The following SLC24A2 variants were observed in gnomAD, a reference collection of about 807,000 sequenced individuals.
The protein encoded by SLC24A2 is sodium/potassium/calcium exchanger 2.
A neutral mutation model predicts 62.0 loss-of-function variants in SLC24A2; 36 were observed. That is an observed-to-expected ratio of 0.58 (90% confidence interval 0.44 to 0.77). The LOEUF (loss-of-function observed/expected upper bound fraction) is 0.77. Ranked by LOEUF, SLC24A2 falls within the 30% of genes least tolerant of loss-of-function variation. The probability of loss-of-function intolerance (pLI) is 0.00; values close to 1 mark genes in which losing one functional copy is unlikely to be tolerated. For synonymous variants in SLC24A2, 358 were observed against 294.0 expected, an observed-to-expected ratio of 1.22 and a Z score of -2.23; for missense variants, 846 against 817.9, an observed-to-expected ratio of 1.03 and a Z score of -0.42.
At chr9:20,040,358 C>T in the SLC24A2 span, among the ~76,000 whole-genome samples, 128 of 152,304 alleles carry the variant, frequency 8.4e-4, 1 homozygote, top group African/African-American at 2.7e-3. Flanking sequence ...GAAACTCATG[C>T]TAATGCTAAT....
the SLC24A2 span, among the ~76,000 whole-genome samples, chr9:20,184,435 G>C: frequency 6.6e-6 from 1 of 152,108 alleles, no homozygotes; most frequent in Admixed American, 6.5e-5. Flanking sequence ...TGTAATCCCA[G>C]CTACTCAGGA....
Position 19,711,452 on chromosome 9 carries a change from T to C in SLC24A2, c.930+74485A>G, listed in dbSNP as rs148634975. 2.6e-3 allele frequency among the ~76,000 whole-genome samples: 398 copies of C among 152,308 alleles called. 3 individuals are homozygous for C. The highest frequency in any genetic ancestry group is 7.4e-3 in the African/African-American group (306 of 41,568). On this transcript the variant is annotated intron_variant, in intron 2 of 10. Coordinates refer to ENST00000341998, the MANE Select transcript of SLC24A2 (RefSeq NM_020344.4). ...AATTTGACAACCAATGCCATAAACATTTAAAGAACATTTTAAAGGCATCCA... is the reference window on the plus strand; with the variant it reads ...AATTTGACAACCAATGCCATAAACACTTAAAGAACATTTTAAAGGCATCCA...
the SLC24A2 span, among the ~76,000 whole-genome samples, chr9:20,267,023 C>T: frequency 0.14 from 20,585 of 149,426 alleles, 1,463 homozygotes; most frequent in Middle Eastern, 0.23. Context: ...TTGAGGCCAG[C>T]CTAGATGACA....
chr9:20,098,181 T>G, the SLC24A2 span, among the ~76,000 whole-genome samples: 2 of 152,212 alleles, frequency 1.3e-5, no homozygotes, highest in African/African-American at 2.4e-5. Flanking sequence ...GGAACAGATA[T>G]GACTAATAAC....
At chr9:19,798,514 G>T in the SLC24A2 span, among the ~76,000 whole-genome samples, 1 of 151,986 alleles carries the variant, frequency 6.6e-6, no homozygotes, top group Non-Finnish European at 1.5e-5. Context: ...TTTACAAAGA[G>T]GGCCTATGAG....
intron 8 of SLC24A2, among the ~76,000 whole-genome samples, chr9:19,535,900 G>T (rs1025548879): frequency 4.6e-5 from 7 of 151,556 alleles, no homozygotes; most frequent in Non-Finnish European, 1.0e-4. Context: ...TAGCTTGATG[G>T]GGACAGCATT....
chr9:19,796,324 A>G, the SLC24A2 span, among the ~76,000 whole-genome samples: 3 of 151,470 alleles, frequency 2.0e-5, no homozygotes, highest in African/African-American at 7.3e-5. Context: ...AAACTCTCTG[A>G]TATAACTGTT....
chr9:20,095,582 A>C, the SLC24A2 span, among the ~76,000 whole-genome samples: 3 of 152,170 alleles, frequency 2.0e-5, no homozygotes, highest in Non-Finnish European at 4.4e-5. Context: ...TCCAGACTCA[A>C]AGTGAAACAT....
chr9:20,214,986 A>C, the SLC24A2 span, among the ~76,000 whole-genome samples: 1 of 152,252 alleles, frequency 6.6e-6, no homozygotes, highest in Non-Finnish European at 1.5e-5. Context: ...TACCTAATGC[A>C]TATATCTGTA....
the SLC24A2 span, among the ~76,000 whole-genome samples, chr9:20,184,960 G>A: frequency 6.6e-6 from 1 of 152,116 alleles, no homozygotes; most frequent in Non-Finnish European, 1.5e-5. Context: ...GGATATATCT[G>A]GAGGACATTA....
intron 2 of SLC24A2, among the ~76,000 whole-genome samples, chr9:19,769,290 C>T (rs1353372916): frequency 6.6e-6 from 1 of 152,214 alleles, no homozygotes; most frequent in Non-Finnish European, 1.5e-5. Context: ...CAAGATACGT[C>T]CAGCATTTGA....
At chr9:20,091,023 G>A in the SLC24A2 span, among the ~76,000 whole-genome samples, 3 of 151,748 alleles carry the variant, frequency 2.0e-5, no homozygotes, top group Admixed American at 2.0e-4. Context: ...TGATCTGACA[G>A]AGATGAAAAA....
the SLC24A2 span, among the ~76,000 whole-genome samples, chr9:20,284,091 G>A: frequency 6.6e-6 from 1 of 152,058 alleles, no homozygotes; most frequent in South Asian, 2.1e-4. Context: ...TTCTATAGAG[G>A]CAATGCGATA....
the SLC24A2 span, among the ~76,000 whole-genome samples, chr9:20,298,714 G>C: frequency 6.6e-6 from 1 of 152,226 alleles, no homozygotes; most frequent in Non-Finnish European, 1.5e-5. Context: ...TATGTACTAA[G>C]TCATTTAATC....
At chr9:19,592,866 T>G (rs1429024015) in intron 5 of SLC24A2, among the ~76,000 whole-genome samples, 2 of 152,156 alleles carry the variant, frequency 1.3e-5, no homozygotes. Flanking sequence ...TATCACTGTA[T>G]GAGAAGATAA....
At chr9:19,654,139 C>T (rs1289376872) in intron 2 of SLC24A2, among the ~76,000 whole-genome samples, 1 of 152,156 alleles carries the variant, frequency 6.6e-6, no homozygotes, top group Non-Finnish European at 1.5e-5. Context: ...TACAGTGTTG[C>T]CTTTTCAAGA....
intron 2 of SLC24A2, among the ~76,000 whole-genome samples, chr9:19,735,795 G>T (rs939037005): frequency 2.0e-5 from 3 of 151,728 alleles, no homozygotes; most frequent in African/African-American, 7.3e-5. Flanking sequence ...ATTCATAGGT[G>T]GGAATTGAAC....
chr9:19,508,309 C>A lies in SLC24A2; in HGVS notation c.*7844G>T, dbSNP rs1477277604. ...GAAACTCTTCAGACCACAAAACAGCCTCTAACAGAGGAATATCACTGGCCC... is the reference window on the plus strand; with the variant it reads ...GAAACTCTTCAGACCACAAAACAGCATCTAACAGAGGAATATCACTGGCCC... On this transcript the variant is annotated 3_prime_UTR_variant, in exon 11 of 11. Transcript: ENST00000341998. 6.6e-6 allele frequency: 1 copy of A among 152,174 alleles called. No homozygotes were observed. Among genetic ancestry groups the A allele is most frequent in the Non-Finnish European group, 1.5e-5 (1 of 68,044 alleles). The allele number at this position is 152,174 out of a possible 1,614,324, so 9.4% of individuals were successfully genotyped here. A position where few individuals can be genotyped will look rare whatever the true frequency, so the allele number is the denominator to read the frequency against.
At chr9:20,225,560 T>TTATATAGTATATATATAATA in the SLC24A2 span, among the ~76,000 whole-genome samples, 2 of 100,270 alleles carry the variant, frequency 2.0e-5, no homozygotes, top group Admixed American at 2.2e-4. Context: ...ACTATATATA[T>TTATATAGTATATATATAATA]TATATATATA....
Sources: allele counts gnomAD v4.1 joint callset (sites outside exome capture counted in the v4.1 genomes callset), GRCh38; gene constraint gnomAD v4.1.1; transcripts MANE v1.5; gene names NCBI Gene and HGNC (gene_info 2026-07-23, HGNC 2026-07-21).